The following ALDH2 variants were observed in gnomAD, a reference collection of about 807,000 sequenced individuals.
The protein encoded by ALDH2 is aldehyde dehydrogenase, mitochondrial.
Under a neutral mutation model 59.6 loss-of-function variants are expected in ALDH2, and 44 were observed. That is an observed-to-expected ratio of 0.74 (90% CI 0.58 to 0.95). The LOEUF (loss-of-function observed/expected upper bound fraction) is 0.95. ALDH2 is among the 40% of genes least tolerant of loss of function. ALDH2 has a pLI of 0.00. For synonymous variants in ALDH2, 291 were observed against 284.0 expected (o/e 1.02, Z -0.25); for missense variants, 570 against 696.3 (o/e 0.82, Z 2.04).
intron 7 of ALDH2, 31 bp from the exon 8 acceptor site, chr12:111,792,030 A>C: frequency 2.1e-6 from 3 of 1,436,766 alleles, no homozygotes; most frequent in Non-Finnish European, 2.9e-6. Flanking sequence ...CCCGGCACTG[A>C]GAGCTTGTTC....
At chr12:111,773,028 G>A (rs2068212581) in intron 1 of ALDH2, among the ~76,000 whole-genome samples, 2 of 150,638 alleles carry the variant, frequency 1.3e-5, no homozygotes, top group South Asian at 4.2e-4. Context: ...GGAGGCCGAG[G>A]CAGGCGGATC....
chr12:111,802,737 G>A (rs1218170493), intron 11 of ALDH2, among the ~76,000 whole-genome samples: 5 of 151,120 alleles, frequency 3.3e-5, no homozygotes, highest in African/African-American at 7.3e-5. Flanking sequence ...AAATTTAGCC[G>A]GGTGTGGTGG....
chr12:111,786,201 GT>G (rs1423318010), intron 4 of ALDH2, among the ~76,000 whole-genome samples: 3 of 152,064 alleles, frequency 2.0e-5, no homozygotes, highest in Admixed American at 6.6e-5. Flanking sequence ...TTTGGGTTTG[GT>G]TTAATCAAAA....
intron 4 of ALDH2, among the ~76,000 whole-genome samples, chr12:111,787,142 G>T (rs1362476369): frequency 1.3e-5 from 2 of 152,024 alleles, no homozygotes; most frequent in East Asian, 3.9e-4. Flanking sequence ...GGAGGTGGAG[G>T]TTACAGTGAG....
rs545576407 is a variant in ALDH2 at position 111,788,477 on chromosome 12, A to G, written c.441-1346A>G. 1.1e-3 allele frequency among the ~76,000 whole-genome samples: 170 copies of G among 152,348 alleles called. 2 individuals carry two copies. The highest frequency in any genetic ancestry group is 2.1e-3 in the Non-Finnish European group (145 of 68,026). On this transcript the variant is annotated intron_variant, in intron 4 of 12. Coordinates refer to ENST00000261733, the MANE Select transcript of ALDH2 (RefSeq NM_000690.4). ...GCCAAGGCTGAAAAACTCCCTCTGC[A>G]AGGACACCCCAGAGAGAGCAGCCTG...
At chr12:111,807,875 A>ATT (rs35239056) in intron 12 of ALDH2, among the ~76,000 whole-genome samples, 37 of 139,228 alleles carry the variant, frequency 2.7e-4, no homozygotes, top group Non-Finnish European at 3.5e-4. Context: ...AGGTGGCTCA[A>ATT]TTTTTTTTTT....
At chr12:111,791,523 C>A in intron 7 of ALDH2, 104 bp downstream of exon 7, 1 of 874,558 alleles carries the variant, frequency 1.1e-6, no homozygotes, top group Non-Finnish European at 1.8e-6. Context: ...CAAGCGGAGG[C>A]CTTTTCCTCC....
intron 8 of ALDH2, 38 bp downstream of exon 8, chr12:111,792,201 A>G: frequency 1.4e-6 from 2 of 1,466,608 alleles, no homozygotes; most frequent in Non-Finnish European, 1.9e-6. Context: ...CCTTGAAGGT[A>G]GCCCTGGCCA....
chr12:111,787,750 G>C (rs947255288), intron 4 of ALDH2, among the ~76,000 whole-genome samples: 1 of 152,004 alleles, frequency 6.6e-6, no homozygotes, highest in African/African-American at 2.4e-5. Flanking sequence ...ACAAAACTTA[G>C]GCTGTGCGCG....
chr12:111,770,143 CAAA>C (rs5800933), intron 1 of ALDH2, among the ~76,000 whole-genome samples: 3 of 137,596 alleles, frequency 2.2e-5, no homozygotes, highest in Non-Finnish European at 4.8e-5. Context: ...GACTCCATCT[CAAA>C]AAAAAAAAAA....
At position 111,798,140 on chromosome 12, in the gene ALDH2, G is replaced by A. The variant is rs769295295; in HGVS notation, c.1146G>A (p.Ala382=). The part of the protein sequence containing the change: ...GYINTGKQEG[A]KLLCGGGIAA... ...TCAACACGGGGAAGCAAGAGGGGGC[G>A]AAGCTGCTGTGTGGTGGGGGCATTG... Residue 382 remains alanine, a synonymous_variant, in exon 10 of 13, where the codon GCG becomes GCA. Coordinates refer to ENST00000261733, the MANE Select transcript of ALDH2 (RefSeq NM_000690.4). 1.7e-5 allele frequency: 27 copies of A among 1,613,632 alleles called. No individual in the cohort carries two copies. In the African/African-American group the frequency reaches 2.3e-4, roughly 14 times the overall value.
intron 4 of ALDH2, among the ~76,000 whole-genome samples, chr12:111,788,107 G>A (rs2068325848): frequency 6.6e-6 from 1 of 152,074 alleles, no homozygotes; most frequent in South Asian, 2.1e-4. Context: ...CTACTTGGGA[G>A]TCTGAGGCAG....
intron 11 of ALDH2, among the ~76,000 whole-genome samples, chr12:111,802,918 C>T (rs926802010): frequency 2.7e-5 from 4 of 148,554 alleles, no homozygotes; most frequent in South Asian, 2.1e-4. Flanking sequence ...ATAGGCCAAG[C>T]GTGGTGGCTC....
intron 5 of ALDH2, 83 bp downstream of exon 5, chr12:111,790,017 G>A: frequency 7.4e-7 from 1 of 1,351,026 alleles, no homozygotes; most frequent in Non-Finnish European, 1.0e-6. Context: ...TTCTGGGGTG[G>A]TGTCGGAAGG....
chr12:111,787,707 C>T (rs1305271670), intron 4 of ALDH2, among the ~76,000 whole-genome samples: 2 of 151,988 alleles, frequency 1.3e-5, no homozygotes, highest in Non-Finnish European at 2.9e-5. Context: ...ACCAGCCTGG[C>T]CAACATGATG....
rs34634862 is a variant in ALDH2 at position 111,814,537 on chromosome 12, C to CA, written c.*4982dup. On this transcript the variant is annotated 3_prime_UTR_variant, in exon 13 of 13. Coordinates refer to ENST00000261733, the MANE Select transcript of ALDH2 (RefSeq NM_000690.4). ...CCTGGGTGACAGAACGAGACTGTCTCAAAAAAAAAAAAAAAAAAAAGTGGC... is the reference window on the plus strand; with the variant it reads ...CCTGGGTGACAGAACGAGACTGTCTCAAAAAAAAAAAAAAAAAAAAAGTGGC... The CA allele has an allele frequency of 0.025, 1,390 of 56,036 alleles. 19 individuals carry two copies. Among genetic ancestry groups the CA allele is most frequent in the Non-Finnish European group, 0.037 (939 of 25,094 alleles). The allele number at this position is 56,036 out of a possible 1,614,324, so 3.5% of individuals were successfully genotyped here. A position where few individuals can be genotyped will look rare whatever the true frequency, so the allele number is the denominator to read the frequency against.
intron 11 of ALDH2, among the ~76,000 whole-genome samples, chr12:111,801,614 G>T (rs1029534638): frequency 6.6e-6 from 1 of 151,484 alleles, no homozygotes; most frequent in African/African-American, 2.4e-5. Flanking sequence ...CAGGAGAATC[G>T]CTTGAACCTG....
intron 1 of ALDH2, among the ~76,000 whole-genome samples, chr12:111,776,947 A>C (rs1043258225): frequency 1.3e-5 from 2 of 152,158 alleles, no homozygotes; most frequent in African/African-American, 4.8e-5. Context: ...GGCCTCCCAA[A>C]GTGCTGGGAT....
intron 10 of ALDH2, 52 bp downstream of exon 10, chr12:111,798,294 A>C (rs768498998): frequency 2.1e-5 from 32 of 1,510,748 alleles, no homozygotes; most frequent in Admixed American, 6.8e-5. Flanking sequence ...GAGGTGAGGT[A>C]AACAGTTCAG....
Sources: allele counts gnomAD v4.1 joint callset (sites outside exome capture counted in the v4.1 genomes callset), GRCh38; gene constraint gnomAD v4.1.1; transcripts MANE v1.5; gene names NCBI Gene and HGNC (gene_info 2026-07-23, HGNC 2026-07-21).